COLEC10: variants seen among roughly 807,000 people sequenced by gnomAD.
COLEC10 encodes the protein collectin-10.
A neutral mutation model predicts 28.4 loss-of-function variants in COLEC10; 22 were observed. The observed-to-expected ratio is 0.78, with a 90% CI of 0.55 to 1.11. The LOEUF (loss-of-function observed/expected upper bound fraction) is 1.11. Among genes scored for constraint, COLEC10 ranks in the 50% least tolerant of loss-of-function variants. COLEC10 has a pLI of 0.00. For synonymous variants in COLEC10, 125 were observed against 116.1 expected (o/e 1.08, Z -0.49); for missense variants, 361 against 344.1 (o/e 1.05, Z -0.39).
At chr8:119,076,662 T>C (rs1367557689) in intron 1 of COLEC10, among the ~76,000 whole-genome samples, 5 of 152,244 alleles carry the variant, frequency 3.3e-5, no homozygotes, top group African/African-American at 1.2e-4. Context: ...GGGATAAGTG[T>C]ATGTGCAAGA....
chr8:118,975,215 T>C, the COLEC10 span, among the ~76,000 whole-genome samples: 2 of 152,038 alleles, frequency 1.3e-5, no homozygotes, highest in Non-Finnish European at 2.9e-5. Context: ...TCAGAATAGA[T>C]ATTAAATATT....
chr8:119,102,487 C>A, intron 4 of COLEC10, 86 bp downstream of exon 4: 2 of 1,173,400 alleles, frequency 1.7e-6, no homozygotes, highest in Non-Finnish European at 1.2e-6. Flanking sequence ...AAATGAAAAG[C>A]AAGAGTCCTT....
the COLEC10 span, among the ~76,000 whole-genome samples, chr8:118,983,382 G>A: frequency 9.2e-5 from 14 of 152,126 alleles, no homozygotes; most frequent in African/African-American, 3.4e-4. Flanking sequence ...AGTGTGATAT[G>A]TTAAAGCAGA....
At chr8:119,067,152 T>C (rs182615795), upstream of COLEC10, 4 of 868,476 alleles carry the variant, frequency 4.6e-6, no homozygotes, top group South Asian at 3.5e-5. Flanking sequence ...GCTTCCTTCC[T>C]GTCTCTGTAG....
At chr8:119,096,989 A>G (rs963520915) in intron 3 of COLEC10, among the ~76,000 whole-genome samples, 4 of 152,110 alleles carry the variant, frequency 2.6e-5, no homozygotes, top group Non-Finnish European at 4.4e-5. Flanking sequence ...ATATGGACAC[A>G]GTATTGGGGA....
rs982888574 is a variant in COLEC10 at position 119,102,363 on chromosome 8, A to G, written c.308A>G (p.Lys103Arg). The G allele has an allele frequency of 6.2e-6, 10 of 1,607,764 alleles. No individual in the cohort carries two copies. The African/African-American group carries it at 9.4e-5, about 15-fold the overall frequency. The change falls in exon 4 of 6, where the codon AAA (lysine) becomes AGA (arginine). Residue 103 changes from lysine to arginine, a missense_variant. This residue lies in a region of COLEC10 where 335 missense variants were observed against 308.5 expected (regional missense o/e 1.09). Coordinates refer to ENST00000332843, the MANE Select transcript of COLEC10 (RefSeq NM_006438.5). ...PIGKKGDKGE[K>R]GLLGIPGEKG... ...TTTTTTTCAGGTGACAAAGGGGAAA[A>G]AGGTTTGCTTGGAATACCTGGAGAA... is the stretch of plus-strand genomic sequence containing the variant.
At chr8:119,097,260 T>C (rs570102279) in intron 3 of COLEC10, among the ~76,000 whole-genome samples, 4 of 152,078 alleles carry the variant, frequency 2.6e-5, no homozygotes, top group African/African-American at 9.6e-5. Context: ...TTGTGTTTTT[T>C]TTTCAGTAAG....
At chr8:119,002,876 T>G (rs748798703) in intron 1 of COLEC10, among the ~76,000 whole-genome samples, 7 of 152,162 alleles carry the variant, frequency 4.6e-5, no homozygotes, top group Non-Finnish European at 1.0e-4. Context: ...CTTGGGTTTT[T>G]GAAATAATCT....
At chr8:119,042,223 C>G (rs1279882336) in intron 2 of COLEC10, among the ~76,000 whole-genome samples, 2 of 151,778 alleles carry the variant, frequency 1.3e-5, no homozygotes, top group Non-Finnish European at 2.9e-5. Context: ...GTCTCGAACT[C>G]CTGACCTCAG....
At chr8:119,040,457 G>C (rs1239517427) in intron 2 of COLEC10, among the ~76,000 whole-genome samples, 1 of 152,132 alleles carries the variant, frequency 6.6e-6, no homozygotes, top group Admixed American at 6.6e-5. Flanking sequence ...ATTAAGATAT[G>C]ATGCAAGAGA....
chr8:118,974,406 G>T, the COLEC10 span, among the ~76,000 whole-genome samples: 21 of 151,810 alleles, frequency 1.4e-4, 1 homozygote, highest in Admixed American at 1.1e-3. Context: ...CATTCAAAAG[G>T]GTATACCAAA....
At chr8:119,096,412 C>T (rs976217565) in intron 3 of COLEC10, among the ~76,000 whole-genome samples, 1 of 152,004 alleles carries the variant, frequency 6.6e-6, no homozygotes, top group Non-Finnish European at 1.5e-5. Flanking sequence ...GCCAGCATGG[C>T]GAAACCCCAT....
At chr8:118,990,692 A>G (rs1675671401), upstream of COLEC10, among the ~76,000 whole-genome samples, 1 of 152,150 alleles carries the variant, frequency 6.6e-6, no homozygotes, top group South Asian at 2.1e-4. Flanking sequence ...TGCTGGCCTT[A>G]GGCCTACTCC....
At position 119,102,411 on chromosome 8, in the gene COLEC10, G is replaced by A. The variant is rs768561965; in HGVS notation, c.346+10G>A. Reference sequence around the variant, plus strand: ...GAAAAAGGCAAAGCAGGTACGATATGTTCAATGTTCTCTTTGATTTCTAGC... The same window carrying A: ...GAAAAAGGCAAAGCAGGTACGATATATTCAATGTTCTCTTTGATTTCTAGC... On this transcript the variant is annotated intron_variant, in intron 4 of 5. Coordinates refer to ENST00000332843, the MANE Select transcript of COLEC10 (RefSeq NM_006438.5). The A allele has an allele frequency of 1.9e-6, 3 of 1,595,988 alleles. No homozygotes were observed. Among genetic ancestry groups the A allele is most frequent in the Non-Finnish European group, 2.6e-6 (3 of 1,169,912 alleles).
chr8:119,026,329 G>C (rs1270090987), intron 2 of COLEC10, among the ~76,000 whole-genome samples: 1 of 152,056 alleles, frequency 6.6e-6, no homozygotes, highest in Non-Finnish European at 1.5e-5. Flanking sequence ...CAAGACCAGA[G>C]GATTGCTTGA....
At chr8:118,983,665 T>C in the COLEC10 span, among the ~76,000 whole-genome samples, 1 of 151,908 alleles carries the variant, frequency 6.6e-6, no homozygotes, top group African/African-American at 2.4e-5. Flanking sequence ...CATTAAAAAG[T>C]GGGCAAAGGA....
intron 1 of COLEC10, among the ~76,000 whole-genome samples, chr8:119,083,829 AT>A (rs1324360852): frequency 6.6e-6 from 1 of 152,158 alleles, no homozygotes; most frequent in East Asian, 1.9e-4. Flanking sequence ...AGTATAAATT[AT>A]TTAGTATAAG....
the COLEC10 span, among the ~76,000 whole-genome samples, chr8:118,981,568 A>G: frequency 0.052 from 7,904 of 152,152 alleles, 315 homozygotes; most frequent in East Asian, 0.17. Flanking sequence ...GAGATATTCA[A>G]ATATTCTATA....
At chr8:118,996,622 C>G (rs1461129261) in intron 1 of COLEC10, among the ~76,000 whole-genome samples, 1 of 152,120 alleles carries the variant, frequency 6.6e-6, no homozygotes, top group Non-Finnish European at 1.5e-5. Flanking sequence ...CGTTGGGCAT[C>G]TTTTCATATA....
Sources: gnomAD v4.1 joint callset for allele counts (sites outside exome capture counted in the v4.1 genomes callset) on GRCh38, gnomAD v4.1.1 for gene constraint, gnomAD v4.1.1 regional missense constraint, MANE v1.5 for transcripts, NCBI Gene and HGNC (gene_info 2026-07-23, HGNC 2026-07-21) for gene names.